Variants in PPFIA1 observed in about 807,000 individuals in gnomAD.
PPFIA1 encodes liprin-alpha-1.
Under a neutral mutation model 149.9 loss-of-function variants are expected in PPFIA1, and 25 were observed. The ratio of observed to expected loss-of-function variants is 0.17; its 90% CI spans 0.12 to 0.23. The LOEUF is 0.23. PPFIA1 is among the 10% of genes least tolerant of loss of function. The pLI, the probability that PPFIA1 is intolerant of heterozygous loss-of-function variation, is 1.00. For missense variants in PPFIA1, 1,362 were observed against 1,506.5 expected, an observed-to-expected ratio of 0.90 and a Z score of 1.59; for synonymous variants, 549 against 552.8, an observed-to-expected ratio of 0.99 and a Z score of 0.10.
At chr11:70,317,310 A>C (rs2053694953) in intron 2 of PPFIA1, among the ~76,000 whole-genome samples, 1 of 152,062 alleles carries the variant, frequency 6.6e-6, no homozygotes. Context: ...TGCTTTTGGG[A>C]TCTTAAACTT....
chr11:70,366,591 G>A (rs527309905), intron 21 of PPFIA1, among the ~76,000 whole-genome samples: 15 of 151,734 alleles, frequency 9.9e-5, no homozygotes, highest in South Asian at 4.1e-4. Flanking sequence ...GTCGTGCGAC[G>A]CCACTGGCCT....
intron 2 of PPFIA1, among the ~76,000 whole-genome samples, chr11:70,303,422 G>A (rs991229600): frequency 2.0e-5 from 3 of 152,130 alleles, no homozygotes; most frequent in African/African-American, 7.2e-5. Flanking sequence ...GGCTTTCCTT[G>A]CTAATATGAG....
At chr11:70,353,430 A>G (rs1400115387) in intron 16 of PPFIA1, among the ~76,000 whole-genome samples, 4 of 152,196 alleles carry the variant, frequency 2.6e-5, no homozygotes, top group Non-Finnish European at 5.9e-5. Context: ...CTTGCTGTTT[A>G]TAGTAATGCT....
intron 16 of PPFIA1, among the ~76,000 whole-genome samples, chr11:70,352,199 G>A (rs1240052346): frequency 6.6e-6 from 1 of 152,134 alleles, no homozygotes; most frequent in Non-Finnish European, 1.5e-5. Flanking sequence ...TCAGATCCTA[G>A]TTCAGTCACT....
chr11:70,294,187 C>T (rs2051730960), intron 2 of PPFIA1, among the ~76,000 whole-genome samples: 1 of 152,134 alleles, frequency 6.6e-6, no homozygotes, highest in African/African-American at 2.4e-5. Flanking sequence ...AGTGATCCTT[C>T]TACCTCGGCC....
At chr11:70,329,676 T>C (rs1466788984) in intron 7 of PPFIA1, among the ~76,000 whole-genome samples, 1 of 152,176 alleles carries the variant, frequency 6.6e-6, no homozygotes, top group African/African-American at 2.4e-5. Flanking sequence ...TCCTAACACT[T>C]TGGGAGGCCA....
Position 70,382,056 on chromosome 11 carries a change from T to C in PPFIA1, c.3551-32T>C, listed in dbSNP as rs943032156. 4 of 1,609,272 alleles carry C rather than the reference T, an allele frequency of 2.5e-6. No individual in the cohort carries two copies. In the African/African-American group the frequency reaches 4.0e-5, roughly 16 times the overall value. On this transcript the variant is annotated intron_variant, in intron 26 of 27. Transcript: ENST00000253925. ...TTCTAAGACTAACTGCACGCTGTGTTTGCACGCTTCCTCTCGTGGCTGTTG... is the reference window on the plus strand; with the variant it reads ...TTCTAAGACTAACTGCACGCTGTGTCTGCACGCTTCCTCTCGTGGCTGTTG...
At chr11:70,321,185 A>G (rs565112874) in intron 2 of PPFIA1, 1 of 152,436 alleles carries the variant, frequency 6.6e-6, no homozygotes, top group African/African-American at 2.4e-5. Flanking sequence ...GGTCCCTTCC[A>G]TCATGTGAGG....
intron 22 of PPFIA1, 25 bp downstream of exon 22, chr11:70,372,415 A>T: frequency 6.2e-7 from 1 of 1,613,708 alleles, no homozygotes; most frequent in Non-Finnish European, 8.5e-7. Flanking sequence ...ATAGTTCTTA[A>T]TAATTGGCTA....
chr11:70,352,761 CGTGTGGAGGTGT>C (rs2056139277), intron 16 of PPFIA1, among the ~76,000 whole-genome samples: 1 of 88,204 alleles, frequency 1.1e-5, no homozygotes, highest in Non-Finnish European at 2.1e-5. Flanking sequence ...GGGAGGGCGG[CGTGTGGAGGTGT>C]CGGAGGGCGG....
chr11:70,377,860 G>T (rs559395779), intron 25 of PPFIA1, among the ~76,000 whole-genome samples, 170 bp from the exon 26 acceptor site: 4 of 152,142 alleles, frequency 2.6e-5, no homozygotes, highest in African/African-American at 9.7e-5. Flanking sequence ...CCCGTTTCAC[G>T]CTGAAGTTCC....
At chr11:70,352,561 G>T (rs1405088908) in intron 16 of PPFIA1, among the ~76,000 whole-genome samples, 1 of 151,986 alleles carries the variant, frequency 6.6e-6, no homozygotes, top group African/African-American at 2.4e-5. Context: ...GTTAAACCAG[G>T]GGTGCGTGCA....
In PPFIA1 at chr11:70,339,219, C is replaced by T. The variant is rs1061328; in HGVS notation, c.1620C>T (p.Asp540=). 219,523 of 1,613,894 alleles carry T rather than the reference C, an allele frequency of 0.14. 20,176 individuals carry two copies. The highest frequency in any genetic ancestry group is 0.47 in the African/African-American group (35,018 of 74,992). ...SVPDFRFPMA[D]GHTDSYSTSA... ...CAGATTTCAGGTTCCCCATGGCAGA[C>T]GGCCACACAGACTCCTACAGCACCA... The change falls in exon 14 of 28, where the codon GAC becomes GAT. Residue 540 remains aspartate, a synonymous_variant. Transcript: ENST00000253925.
At chr11:70,288,757 C>T (rs1336450954) in intron 2 of PPFIA1, among the ~76,000 whole-genome samples, 2 of 152,140 alleles carry the variant, frequency 1.3e-5, no homozygotes, top group African/African-American at 4.8e-5. Flanking sequence ...CAGATTGGCT[C>T]CTGTGTCTTT....
rs558316639 is a variant in PPFIA1, at chr11:70,368,062, C to T, written c.2866-4153C>T. On this transcript the variant is annotated intron_variant, in intron 21 of 27. Transcript: ENST00000253925. ...CTTAGGCTGGAAAATCGCTTGAGCC[C>T]GGAAAGTGGACGTTACAGTGAGCCG... is the stretch of plus-strand genomic sequence containing the variant. Among the ~76,000 whole-genome samples the T allele has an allele frequency of 6.6e-5, 10 of 152,170 alleles. No individual in the cohort carries two copies. In the South Asian group the frequency reaches 8.3e-4, roughly 13 times the overall value.
chr11:70,368,191 C>A (rs1273458521), intron 21 of PPFIA1, among the ~76,000 whole-genome samples: 10 of 152,146 alleles, frequency 6.6e-5, no homozygotes, highest in Non-Finnish European at 1.5e-4. Context: ...AAGAGTGAAT[C>A]AAGCATGGTG....
At chr11:70,311,406 C>T (rs114867257) in intron 2 of PPFIA1, among the ~76,000 whole-genome samples, 1,973 of 152,204 alleles carry the variant, frequency 0.013, 45 homozygotes, top group African/African-American at 0.044. Flanking sequence ...GATCATTTTC[C>T]ACTTCATGCG....
intron 2 of PPFIA1, among the ~76,000 whole-genome samples, chr11:70,322,040 C>T (rs544572934): frequency 4.6e-5 from 7 of 152,238 alleles, no homozygotes; most frequent in Admixed American, 1.3e-4. Context: ...CCACCATGTC[C>T]AGCTAATTTT....
chr11:70,318,571 A>G (rs1009899485), intron 2 of PPFIA1, among the ~76,000 whole-genome samples: 5 of 152,118 alleles, frequency 3.3e-5, no homozygotes, highest in Non-Finnish European at 7.4e-5. Context: ...CAGCCACTGC[A>G]CTGTTTTTCT....
Sources: gnomAD v4.1 joint callset for allele counts (sites outside exome capture counted in the v4.1 genomes callset) on GRCh38, gnomAD v4.1.1 for gene constraint, MANE v1.5 for transcripts, NCBI Gene and HGNC (gene_info 2026-07-23, HGNC 2026-07-21) for gene names.